Variants in FAM124A observed in about 807,000 individuals in gnomAD.
FAM124A encodes family with sequence similarity 124 member A, also known as protein FAM124A.
In FAM124A, 23 loss-of-function variants were observed where a neutral mutation model predicts 24.5. The ratio of observed to expected loss-of-function variants is 0.94; its 90% CI spans 0.68 to 1.33. The LOEUF (loss-of-function observed/expected upper bound fraction) is 1.33, where lower values mean the gene tolerates loss of function less well. Ranked by LOEUF, FAM124A falls within the 40% of genes most tolerant of loss-of-function variation. FAM124A has a pLI of 0.00. For missense variants in FAM124A, 623 were observed against 722.8 expected (o/e 0.86, Z 1.58); for synonymous variants, 287 against 314.7 (o/e 0.91, Z 0.93).
At position 51,245,330 on chromosome 13, in the gene FAM124A, G is replaced by A. The variant is rs117053935; in HGVS notation, c.101-6138G>A. 2.3e-3 allele frequency: 1,580 copies of A among 686,680 alleles called. 25 individuals carry two copies. The East Asian group carries it at 0.032, about 14-fold the overall frequency. The allele number at this position is 686,680 out of a possible 1,614,324, so 42.5% of individuals were successfully genotyped here. ...TATGCAGATGGATTCTCCACCTGGC[G>A]GATGCCATGTTGCCTGTTCCTTTAC... On this transcript the variant is annotated intron_variant, in intron 2 of 3. Transcript: ENST00000322475.
chr13:51,265,508 T>C (rs188845521), intron 3 of FAM124A, among the ~76,000 whole-genome samples: 3 of 151,952 alleles, frequency 2.0e-5, no homozygotes, highest in African/African-American at 7.3e-5. Context: ...CCCTATACAA[T>C]GCTGCAGGGA....
At position 51,267,603 on chromosome 13, in the gene FAM124A, AT is replaced by A. The variant is rs200152398; in HGVS notation, c.835-12836del. 4.6e-3 allele frequency among the ~76,000 whole-genome samples: 692 copies of A among 149,322 alleles called. 6 individuals carry two copies. Among genetic ancestry groups the A allele is most frequent in the South Asian group, 0.033 (155 of 4,666 alleles). On this transcript the variant is annotated intron_variant, in intron 3 of 3. Coordinates refer to ENST00000322475, the MANE Select transcript of FAM124A (RefSeq NM_001242312.2). ...GTCACATAGGTTTCATGTAAATAAG[AT>A]TTTTTTTTTTCTAAAAGTGTTCTCC...
intron 1 of FAM124A, chr13:51,227,132 A>G (rs763455636): frequency 2.0e-5 from 3 of 152,236 alleles, no homozygotes; most frequent in African/African-American, 4.8e-5. Context: ...TATGTTTTTC[A>G]AACTCATCAC....
intron 3 of FAM124A, chr13:51,252,968 T>C (rs1480376760): frequency 6.6e-6 from 1 of 152,238 alleles, no homozygotes; most frequent in Admixed American, 6.5e-5. Flanking sequence ...TAATTAGTTA[T>C]ACTCAATTCA....
intron 2 of FAM124A, among the ~76,000 whole-genome samples, chr13:51,237,818 T>C (rs1286255394): frequency 6.6e-6 from 1 of 152,100 alleles, no homozygotes; most frequent in Non-Finnish European, 1.5e-5. Context: ...TCCCTGTAGG[T>C]GTATGGTATG....
At chr13:51,228,490 C>A (rs905699489) in intron 1 of FAM124A, among the ~76,000 whole-genome samples, 1 of 152,068 alleles carries the variant, frequency 6.6e-6, no homozygotes, top group Admixed American at 6.5e-5. Context: ...CTAAATTCAC[C>A]TTTCATGCTT....
chr13:51,225,507 CAATGAG>C (rs1318402218), intron 1 of FAM124A, among the ~76,000 whole-genome samples: 7 of 152,026 alleles, frequency 4.6e-5, no homozygotes, highest in African/African-American at 1.2e-4. Context: ...AACGCCCAGT[CAATGAG>C]AATGAGCTGA....
intron 1 of FAM124A, among the ~76,000 whole-genome samples, chr13:51,226,414 A>T (rs1234544983): frequency 6.6e-6 from 1 of 152,062 alleles, no homozygotes; most frequent in Non-Finnish European, 1.5e-5. Context: ...GGCAGGCAAG[A>T]TGGGGTTTCT....
intron 3 of FAM124A, among the ~76,000 whole-genome samples, chr13:51,273,988 AT>A (rs1164243424): frequency 1.3e-5 from 2 of 152,252 alleles, no homozygotes; most frequent in Non-Finnish European, 2.9e-5. Context: ...TGCAGAACTT[AT>A]ACAAAGAGAA....
chr13:51,269,034 C>T (rs1374852744), intron 3 of FAM124A, among the ~76,000 whole-genome samples: 1 of 152,196 alleles, frequency 6.6e-6, no homozygotes, highest in Non-Finnish European at 1.5e-5. Context: ...GAGTAAAGTG[C>T]AGAGAGGATG....
chr13:51,253,554 G>A (rs917985443), intron 3 of FAM124A: 3 of 152,130 alleles, frequency 2.0e-5, no homozygotes, highest in African/African-American at 7.2e-5. Context: ...TAATACAGTT[G>A]CACCAAGTAA....
In FAM124A at chr13:51,282,361, A is replaced by T. The variant is rs938949729; in HGVS notation, c.*1105A>T. ...AACACCAGTGCACTGCCAGCCTCAC[A>T]TGATTGCATGGGAGCTTTAATTAAC... On this transcript the variant is annotated 3_prime_UTR_variant, in exon 4 of 4. Coordinates refer to ENST00000322475, the MANE Select transcript of FAM124A (RefSeq NM_001242312.2). The T allele has an allele frequency of 6.6e-6, 1 of 152,224 alleles. No individual in the cohort carries two copies. Among genetic ancestry groups the T allele is most frequent in the Non-Finnish European group, 1.5e-5 (1 of 68,038 alleles). The allele number at this position is 152,224 out of a possible 1,614,324, so 9.4% of individuals were successfully genotyped here.
chr13:51,281,129 C>T lies in FAM124A; in HGVS notation c.1514C>T (p.Thr505Ile). ...RAAPPAPSTS[T>I]LTDSSPQLPC... ...GCTCCCCCAGCTCCCAGCACCTCCA[C>T]CCTCACAGACTCCTCCCCACAGCTC... is the stretch of plus-strand genomic sequence containing the variant. The change falls in exon 4 of 4, where the codon ACC (threonine) becomes ATC (isoleucine). Residue 505 changes from threonine to isoleucine, a missense_variant. Thr to Ile is a moderately conservative substitution (Grantham distance 89, BLOSUM62 -1). Transcript: ENST00000322475. The T allele has an allele frequency of 1.2e-6, 2 of 1,614,146 alleles. No homozygotes were observed. The highest frequency in any genetic ancestry group is 1.7e-6 in the Non-Finnish European group (2 of 1,180,028).
At chr13:51,261,031 C>T (rs1172551820) in intron 3 of FAM124A, among the ~76,000 whole-genome samples, 1 of 152,214 alleles carries the variant, frequency 6.6e-6, no homozygotes, top group Non-Finnish European at 1.5e-5. Flanking sequence ...CTCAGTAAGA[C>T]CATCAAAAAT....
intron 3 of FAM124A, among the ~76,000 whole-genome samples, chr13:51,256,337 C>T (rs7999012): frequency 0.15 from 22,248 of 152,106 alleles, 1,933 homozygotes; most frequent in East Asian, 0.43. Context: ...CTGTGGAAGA[C>T]GCTCACCACT....
rs115191499 is a variant in FAM124A at position 51,242,209 on chromosome 13, G to A, written c.101-9259G>A. 4.3e-3 allele frequency among the ~76,000 whole-genome samples: 652 copies of A among 152,282 alleles called. 3 individuals carry two copies. Among genetic ancestry groups the A allele is most frequent in the African/African-American group, 0.015 (607 of 41,554 alleles). On this transcript the variant is annotated intron_variant, in intron 2 of 3. Coordinates refer to ENST00000322475, the MANE Select transcript of FAM124A (RefSeq NM_001242312.2). ...GATCTCCAGTATTTGTTGAGATCCT[G>A]ACTTTCTCAGGATGACTTTGCTGCA...
intron 3 of FAM124A, among the ~76,000 whole-genome samples, chr13:51,276,987 A>G (rs2137711552): frequency 6.6e-6 from 1 of 152,308 alleles, no homozygotes; most frequent in East Asian, 1.9e-4. Flanking sequence ...TTTACTAGCG[A>G]TTTAAGAAGA....
chr13:51,279,520 T>C (rs941786223), intron 3 of FAM124A, among the ~76,000 whole-genome samples: 9 of 152,124 alleles, frequency 5.9e-5, no homozygotes, highest in African/African-American at 1.9e-4. Flanking sequence ...CATAGTAAGG[T>C]TGGCCTTGGG....
intron 3 of FAM124A, among the ~76,000 whole-genome samples, chr13:51,264,590 T>C (rs1954767482): frequency 6.6e-6 from 1 of 151,950 alleles, no homozygotes; most frequent in Admixed American, 6.6e-5. Context: ...CGTCCGTGAA[T>C]AGCCACTGCA....
Sources: allele counts gnomAD v4.1 joint callset (sites outside exome capture counted in the v4.1 genomes callset), GRCh38; gene constraint gnomAD v4.1.1; transcripts MANE v1.5; gene names NCBI Gene and HGNC (gene_info 2026-07-23, HGNC 2026-07-21).